HPSE2: variants seen among roughly 807,000 people sequenced by gnomAD.
The protein encoded by HPSE2 is inactive heparanase-2.
In HPSE2, 38 loss-of-function variants were observed where a neutral mutation model predicts 60.5. The observed-to-expected ratio is 0.63, with a 90% CI of 0.48 to 0.82. The LOEUF is 0.82. Ranked by LOEUF, HPSE2 falls within the 40% of genes least tolerant of loss-of-function variation. The pLI, the probability that HPSE2 is intolerant of heterozygous loss-of-function variation, is 0.00. For missense variants in HPSE2, 713 were observed against 740.4 expected (o/e 0.96, Z 0.43); for synonymous variants, 295 against 293.2 (o/e 1.01, Z -0.06).
chr10:98,848,633 C>CAGG (rs1952090756), intron 3 of HPSE2, among the ~76,000 whole-genome samples: 2 of 152,132 alleles, frequency 1.3e-5, no homozygotes, highest in African/African-American at 4.8e-5. Flanking sequence ...CCTTACTGCT[C>CAGG]TATTCCTTAT....
At chr10:98,665,026 T>C (rs115634803) in intron 6 of HPSE2, among the ~76,000 whole-genome samples, 2,707 of 152,262 alleles carry the variant, frequency 0.018, 100 homozygotes, top group African/African-American at 0.062. Flanking sequence ...CAGGAGAAAG[T>C]TGAAACCCAA....
At chr10:99,285,500 GAA>G in the HPSE2 span, among the ~76,000 whole-genome samples, 2 of 105,500 alleles carry the variant, frequency 1.9e-5, no homozygotes, top group Non-Finnish European at 3.6e-5. Context: ...GGGAGGGAGG[GAA>G]AGGAAAGGGA....
intron 3 of HPSE2, among the ~76,000 whole-genome samples, chr10:99,072,206 A>G (rs1030552479): frequency 6.6e-6 from 1 of 152,186 alleles, no homozygotes; most frequent in Non-Finnish European, 1.5e-5. Flanking sequence ...TCTTCCAAAA[A>G]TCTACGCAAT....
In HPSE2 at chr10:98,990,581, G is replaced by A. The variant is rs1397682117; in HGVS notation, c.610+153657C>T. 2.0e-5 allele frequency among the ~76,000 whole-genome samples: 3 copies of A among 152,170 alleles called. No individual in the cohort carries two copies. The East Asian group carries it at 5.8e-4, about 29-fold the overall frequency. Reference sequence around the variant, plus strand: ...GTCCTGGTCTGTGGCCTGGAGGTTGGGGACCCGTGTGCTAAACAATGGTCT... The same window carrying A: ...GTCCTGGTCTGTGGCCTGGAGGTTGAGGACCCGTGTGCTAAACAATGGTCT... On this transcript the variant is annotated intron_variant, in intron 3 of 11. Coordinates refer to ENST00000370552, the MANE Select transcript of HPSE2 (RefSeq NM_021828.5).
At chr10:98,794,142 T>G (rs976637322) in intron 3 of HPSE2, among the ~76,000 whole-genome samples, 1 of 152,186 alleles carries the variant, frequency 6.6e-6, no homozygotes, top group African/African-American at 2.4e-5. Flanking sequence ...AATATGAATA[T>G]ATTTTATCTA....
intron 3 of HPSE2, among the ~76,000 whole-genome samples, chr10:98,805,542 C>G (rs751873082): frequency 6.6e-6 from 1 of 151,698 alleles, no homozygotes; most frequent in Admixed American, 6.6e-5. Context: ...CATACACCTA[C>G]TATGTATCCA....
chr10:98,594,665 T>C (rs771366755), intron 9 of HPSE2, among the ~76,000 whole-genome samples: 2 of 152,176 alleles, frequency 1.3e-5, no homozygotes, highest in South Asian at 4.2e-4. Context: ...TAGTATTCTA[T>C]TGTGTATATA....
intron 3 of HPSE2, among the ~76,000 whole-genome samples, chr10:99,130,580 C>A (rs1416663450): frequency 6.6e-6 from 1 of 152,186 alleles, no homozygotes; most frequent in African/African-American, 2.4e-5. Flanking sequence ...GCTCAAAATT[C>A]TCTTGGCCCC....
intron 9 of HPSE2, among the ~76,000 whole-genome samples, chr10:98,544,601 T>C (rs1292670711): frequency 1.3e-5 from 2 of 149,142 alleles, no homozygotes; most frequent in Non-Finnish European, 3.0e-5. Flanking sequence ...TAGTCCCAGC[T>C]ACGCGGGAGG....
At chr10:99,021,777 C>T (rs1405875487) in intron 3 of HPSE2, among the ~76,000 whole-genome samples, 1 of 149,494 alleles carries the variant, frequency 6.7e-6, no homozygotes, top group African/African-American at 2.5e-5. Context: ...CCTCCTCACA[C>T]AGTTATATAT....
intron 3 of HPSE2, among the ~76,000 whole-genome samples, chr10:99,140,831 G>A (rs1234213211): frequency 6.6e-6 from 1 of 152,182 alleles, no homozygotes; most frequent in Non-Finnish European, 1.5e-5. Context: ...AAGGTCAGGA[G>A]TTTGAGACCA....
chr10:98,970,967 A>C (rs922770963), intron 3 of HPSE2, among the ~76,000 whole-genome samples: 1 of 152,214 alleles, frequency 6.6e-6, no homozygotes. Flanking sequence ...AAGCAATTAA[A>C]TCTGCATTTC....
chr10:98,908,475 G>A (rs537121576), intron 3 of HPSE2, among the ~76,000 whole-genome samples: 1 of 152,142 alleles, frequency 6.6e-6, no homozygotes, highest in Non-Finnish European at 1.5e-5. Context: ...CCTGAGGTCA[G>A]GAGTTCAAGA....
At chr10:99,296,708 A>G in the HPSE2 span, among the ~76,000 whole-genome samples, 115 of 152,308 alleles carry the variant, frequency 7.6e-4, 1 homozygote, top group South Asian at 4.4e-3. Flanking sequence ...TTGGTACCCA[A>G]TGCAGGGTGA....
At chr10:99,049,572 T>C (rs1171397728) in intron 3 of HPSE2, among the ~76,000 whole-genome samples, 1 of 152,010 alleles carries the variant, frequency 6.6e-6, no homozygotes, top group Non-Finnish European at 1.5e-5. Flanking sequence ...GGCTAGCTTC[T>C]AGTTAGAAAC....
chr10:99,005,562 AT>A (rs1474460560), intron 3 of HPSE2, among the ~76,000 whole-genome samples: 1 of 151,920 alleles, frequency 6.6e-6, no homozygotes, highest in Non-Finnish European at 1.5e-5. Context: ...TATTTTCCTG[AT>A]TTCATACAAT....
chr10:99,313,909 A>C, the HPSE2 span, among the ~76,000 whole-genome samples: 2 of 152,012 alleles, frequency 1.3e-5, no homozygotes, highest in African/African-American at 2.4e-5. Flanking sequence ...GATTGACTCC[A>C]ATTTTTAAAG....
intron 3 of HPSE2, among the ~76,000 whole-genome samples, chr10:98,973,860 G>T (rs916304191): frequency 1.4e-5 from 2 of 143,034 alleles, no homozygotes; most frequent in Non-Finnish European, 3.0e-5. Context: ...GGAAAAAAAG[G>T]GGGGGGGAGA....
chr10:99,187,802 G>C (rs542248644), intron 2 of HPSE2, among the ~76,000 whole-genome samples: 44 of 152,240 alleles, frequency 2.9e-4, no homozygotes, highest in Admixed American at 8.5e-4. Context: ...TGCAAAAATG[G>C]TCCAAGCACT....
Sources: allele counts gnomAD v4.1 joint callset (sites outside exome capture counted in the v4.1 genomes callset), GRCh38; gene constraint gnomAD v4.1.1; transcripts MANE v1.5; gene names NCBI Gene and HGNC (gene_info 2026-07-23, HGNC 2026-07-21).